Variants in ERVW-1 observed in about 807,000 individuals in gnomAD.
ERVW-1 encodes the protein syncytin-1.
ERVW-1 carries 21 observed loss-of-function variants against 16.6 expected under a neutral mutation model. The observed-to-expected ratio is 1.26, with a 90% confidence interval of 0.90 to 1.82. The LOEUF is 1.82. ERVW-1 is among the 40% of genes most tolerant of loss of function. The pLI, the probability that ERVW-1 is intolerant of heterozygous loss-of-function variation, is 0.00. For synonymous variants in ERVW-1, 161 were observed against 109.8 expected, an observed-to-expected ratio of 1.47 and a Z score of -2.92; for missense variants, 412 against 300.2, an observed-to-expected ratio of 1.37 and a Z score of -2.75.
At chr7:92,471,962 G>A (rs1790368531) in intron 1 of ERVW-1, 1 of 152,184 alleles carries the variant, frequency 6.6e-6, no homozygotes, top group African/African-American at 2.4e-5. Flanking sequence ...TTCCTGGAGT[G>A]AGGGGATTAC....
chr7:92,470,230 G>T lies in ERVW-1; in HGVS notation c.152C>A (p.Ser51Ter), dbSNP rs759004105. 2.6e-6 allele frequency: 2 copies of T among 775,784 alleles called. No individual in the cohort carries two copies. Among genetic ancestry groups the T allele is most frequent in the South Asian group, 2.7e-5 (2 of 74,078 alleles). The allele number at this position is 775,784 out of a possible 1,614,324, so 48.1% of individuals were successfully genotyped here. A position where few individuals can be genotyped will look rare whatever the true frequency, so the allele number is the denominator to read the frequency against. ...MQRPGNIDAP[S>*]YRSLSKGTPT... ...GGTTCCCTTAGAAAGACTCCTATAC[G>T]ATGGGGCATCAATATTTCCGGGACG... The change falls in exon 2 of 2, where the codon TCG becomes TAG. Residue 51 changes from serine to a stop codon, truncating the protein, a stop_gained. Coordinates refer to ENST00000603053, the MANE Select transcript of ERVW-1 (RefSeq NM_001130925.2). LOFTEE classifies it high-confidence loss of function.
intron 1 of ERVW-1, among the ~76,000 whole-genome samples, chr7:92,476,668 CTCTCTT>C (rs1790559522): frequency 6.6e-6 from 1 of 152,010 alleles, no homozygotes; most frequent in African/African-American, 2.4e-5. Context: ...CTCTGTCTCT[CTCTCTT>C]TCTCCTCCAT....
chr7:92,475,348 T>A (rs1349468838), intron 1 of ERVW-1: 1 of 152,194 alleles, frequency 6.6e-6, no homozygotes, highest in Non-Finnish European at 1.5e-5. Context: ...CTAGTCATTT[T>A]CCGATGAGCT....
intron 1 of ERVW-1, among the ~76,000 whole-genome samples, chr7:92,476,088 G>A (rs10236814): frequency 6.6e-6 from 1 of 152,050 alleles, no homozygotes; most frequent in Non-Finnish European, 1.5e-5. Flanking sequence ...AGGGAGTTCC[G>A]CCTAGGTCTG....
chr7:92,470,299 A>G lies in ERVW-1; in HGVS notation c.83T>C (p.Met28Thr), dbSNP rs773209421. The G allele has an allele frequency of 1.0e-5, 8 of 777,870 alleles. No individual in the cohort carries two copies. Among genetic ancestry groups the G allele is most frequent in the Admixed American group, 1.7e-5 (1 of 58,886 alleles). 48.2% of individuals were successfully genotyped at this position (777,870 alleles called of 1,614,324 possible). Reference protein sequence around the residue: ...TLTAPPPCRCMTSSSPYQEFL... With the variant: ...TLTAPPPCRCTTSSSPYQEFL... ...CTCTTGGTAAGGGGAGCTACTGGTCATACAGCGGCATGGAGGGGGTGCAGT... is the reference window on the plus strand; with the variant it reads ...CTCTTGGTAAGGGGAGCTACTGGTCGTACAGCGGCATGGAGGGGGTGCAGT... The change falls in exon 2 of 2, where the codon ATG becomes ACG. Residue 28 changes from methionine to threonine, a missense_variant. Physicochemically the swap from Met to Thr is moderately conservative, Grantham distance 81 (BLOSUM62 -1). Transcript: ENST00000603053.
chr7:92,472,940 T>A (rs1057344537), intron 1 of ERVW-1: 5 of 152,308 alleles, frequency 3.3e-5, no homozygotes, highest in African/African-American at 1.2e-4. Context: ...CAAAAGTAAA[T>A]CATCCACCTA....
At position 92,469,894 on chromosome 7, in the gene ERVW-1, C is replaced by G. The variant is rs538492656; in HGVS notation, c.488G>C (p.Arg163Pro). Residue 163 changes from arginine to proline, a missense_variant, in exon 2 of 2, where the codon CGC (arginine) becomes CCC (proline). Coordinates refer to ENST00000603053, the MANE Select transcript of ERVW-1 (RefSeq NM_001130925.2). ...KLHETLRTHT[R>P]LVSLFNTTLT... is the part of the protein sequence containing the mutation. Reference sequence around the variant, plus strand: ...GGTGGTATTAAATAGGCTTACCAGGCGAGTATGGGTACGGAGGGTTTCATG... The same window carrying G: ...GGTGGTATTAAATAGGCTTACCAGGGGAGTATGGGTACGGAGGGTTTCATG... 2 of 778,456 alleles carry G rather than the reference C, an allele frequency of 2.6e-6. No homozygotes were observed. Among genetic ancestry groups the G allele is most frequent in the African/African-American group, 3.4e-5 (2 of 59,030 alleles). The allele number at this position is 778,456 out of a possible 1,614,324, so 48.2% of individuals were successfully genotyped here.
Position 92,470,091 on chromosome 7 carries a change from AG to A in ERVW-1, c.290del (p.Pro97LeufsTer33). 1 of 778,852 alleles carries A rather than the reference AG, an allele frequency of 1.3e-6. No homozygotes were observed. Among genetic ancestry groups the A allele is most frequent in the East Asian group, 2.4e-5 (1 of 41,254 alleles). The allele number at this position is 778,852 out of a possible 1,614,324, so 48.2% of individuals were successfully genotyped here. On this transcript the variant is annotated frameshift_variant, in exon 2 of 2. Transcript: ENST00000603053. LOFTEE classifies it high-confidence loss of function. ...WTGKMINPSC[P>X]GGLGVTVCWT... is the part of the protein sequence containing the mutation. Reference sequence around the variant, plus strand: ...AACAGACAGTGACTCCAAGTCCTCCAGGACAACTAGGATTAATCATTTTTCC... The same window carrying A: ...AACAGACAGTGACTCCAAGTCCTCCAGACAACTAGGATTAATCATTTTTCC...
Position 92,468,859 on chromosome 7 carries a change from G to A in ERVW-1, c.1523C>T (p.Pro508Leu). The A allele has an allele frequency of 1.3e-6, 1 of 764,430 alleles. No individual in the cohort carries two copies. The highest frequency in any genetic ancestry group is 2.4e-6 in the Non-Finnish European group (1 of 417,868). 47.4% of individuals were successfully genotyped at this position (764,430 alleles called of 1,614,324 possible). The change falls in exon 2 of 2, where the codon CCA becomes CTA. Residue 508 changes from proline (P) to leucine (L), a missense_variant. By Grantham distance (98) the Pro-to-Leu change is moderately conservative. Coordinates refer to ENST00000603053, the MANE Select transcript of ERVW-1 (RefSeq NM_001130925.2). ...YRRPLDRPAS[P>L]RSDVNDIKGT... is the part of the protein sequence containing the mutation. ...TTTGATGTCATTAACATCAGATCGTGGGCTAGCAGGCCGGTCCAGGGGTCT... is the reference window on the plus strand; with the variant it reads ...TTTGATGTCATTAACATCAGATCGTAGGCTAGCAGGCCGGTCCAGGGGTCT...
chr7:92,475,514 G>A (rs779532849), intron 1 of ERVW-1, among the ~76,000 whole-genome samples: 6 of 152,098 alleles, frequency 3.9e-5, no homozygotes, highest in Non-Finnish European at 8.8e-5. Flanking sequence ...AGGGGTCCAG[G>A]CTGCTGGATT....
chr7:92,471,225 T>C (rs1269744974), intron 1 of ERVW-1: 4 of 167,094 alleles, frequency 2.4e-5, no homozygotes. Context: ...TTTGGGCTTG[T>C]GGGTAAAATC....
rs1475007242 is a variant in ERVW-1, at chr7:92,477,520, C to T, written c.-366G>A. On this transcript the variant is annotated 5_prime_UTR_variant, in exon 1 of 2. Coordinates refer to ENST00000603053, the MANE Select transcript of ERVW-1 (RefSeq NM_001130925.2). ...GGTGGCAAGCCTCGTATTCTCTGAC[C>T]TGGAGTTCTTGGCCTCACGGATTCC... is the stretch of plus-strand genomic sequence containing the variant. The T allele has an allele frequency of 6.5e-6, 1 of 152,792 alleles. No homozygotes were observed. The highest frequency in any genetic ancestry group is 2.4e-5 in the African/African-American group (1 of 41,426). The allele number at this position is 152,792 out of a possible 1,614,324, so 9.5% of individuals were successfully genotyped here. A position where few individuals can be genotyped will look rare whatever the true frequency, so the allele number is the denominator to read the frequency against.
At chr7:92,475,574 G>T (rs1790504603) in intron 1 of ERVW-1, among the ~76,000 whole-genome samples, 1 of 151,224 alleles carries the variant, frequency 6.6e-6, no homozygotes, top group Admixed American at 6.6e-5. Flanking sequence ...GCTCAGGGGT[G>T]AGTTCCTTTC....
intron 1 of ERVW-1, chr7:92,472,579 C>T (rs1213512495): frequency 6.6e-6 from 1 of 152,246 alleles, no homozygotes; most frequent in African/African-American, 2.4e-5. Context: ...TGGAAAGCCA[C>T]TTCTACTTCA....
intron 1 of ERVW-1, 59 bp downstream of exon 1, chr7:92,477,323 T>A (rs1247686425): frequency 6.6e-6 from 1 of 152,298 alleles, no homozygotes; most frequent in Admixed American, 6.5e-5. Context: ...GGTATTTTCC[T>A]CCAATTCTAA....
At chr7:92,476,008 A>T (rs557346840) in intron 1 of ERVW-1, among the ~76,000 whole-genome samples, 162 of 152,332 alleles carry the variant, frequency 1.1e-3, no homozygotes, top group Admixed American at 1.9e-3. Flanking sequence ...TCCCCGTATC[A>T]ATTACTGAAT....
intron 1 of ERVW-1, among the ~76,000 whole-genome samples, chr7:92,473,986 G>A (rs1233636741): frequency 6.6e-6 from 1 of 152,100 alleles, no homozygotes; most frequent in Non-Finnish European, 1.5e-5. Flanking sequence ...AAGGGGCATG[G>A]ACGAGGGGGC....
Position 92,468,929 on chromosome 7 carries a change from G to A in ERVW-1, c.1453C>T (p.Leu485=). ...FVSSRIEAVK[L]QMEPKMQSKT... is the part of the protein sequence containing the mutation. ...GACTGCATCTTGGGCTCCATTTGTA[G>A]TTTTACAGCTTCGATTCTGGAAGAG... The change falls in exon 2 of 2, where the codon CTA becomes TTA. Residue 485 remains leucine (L), a synonymous_variant. Coordinates refer to ENST00000603053, the MANE Select transcript of ERVW-1 (RefSeq NM_001130925.2). 1.3e-6 allele frequency: 1 copy of A among 764,148 alleles called. No individual in the cohort carries two copies. The highest frequency in any genetic ancestry group is 1.3e-5 in the South Asian group (1 of 74,530). 47.3% of individuals were successfully genotyped at this position (764,148 alleles called of 1,614,324 possible).
chr7:92,468,837 G>C lies in ERVW-1; in HGVS notation c.1545C>G (p.Ile515Met), dbSNP rs1790190919. Reference sequence around the variant, plus strand: ...AGATTTCCTCAGGAGGGGTGCCTTTGATGTCATTAACATCAGATCGTGGGC... The same window carrying C: ...AGATTTCCTCAGGAGGGGTGCCTTTCATGTCATTAACATCAGATCGTGGGC... ...PASPRSDVNDIKGTPPEEISA... is the reference protein window; with the variant it reads ...PASPRSDVNDMKGTPPEEISA... The change falls in exon 2 of 2, where the codon ATC (isoleucine) becomes ATG (methionine). Residue 515 changes from isoleucine (I) to methionine (M), a missense_variant. Ile to Met is a conservative substitution (Grantham distance 10). Coordinates refer to ENST00000603053, the MANE Select transcript of ERVW-1 (RefSeq NM_001130925.2). The C allele has an allele frequency of 1.3e-6, 1 of 764,422 alleles. No individual in the cohort carries two copies. The highest frequency in any genetic ancestry group is 2.4e-6 in the Non-Finnish European group (1 of 417,804). The allele number at this position is 764,422 out of a possible 1,614,324, so 47.4% of individuals were successfully genotyped here. A position where few individuals can be genotyped will look rare whatever the true frequency, so the allele number is the denominator to read the frequency against.
Sources: allele counts gnomAD v4.1 joint callset (sites outside exome capture counted in the v4.1 genomes callset), GRCh38; gene constraint gnomAD v4.1.1; transcripts MANE v1.5; gene names NCBI Gene and HGNC (gene_info 2026-07-23, HGNC 2026-07-21).